Variants in ACOT11 observed in about 807,000 individuals in gnomAD.
ACOT11 encodes acyl-coenzyme A thioesterase 11.
ACOT11 carries 69 observed loss-of-function variants against 77.5 expected under a neutral mutation model. That is an observed-to-expected ratio of 0.89 (90% CI 0.73 to 1.09). ACOT11 has a LOEUF of 1.09. Ranked by LOEUF, ACOT11 falls within the 50% of genes least tolerant of loss-of-function variation. The probability of loss-of-function intolerance (pLI) is 0.00; values close to 1 mark genes in which losing one functional copy is unlikely to be tolerated. For synonymous variants in ACOT11, 279 were observed against 313.0 expected (o/e 0.89, Z 1.15); for missense variants, 766 against 813.7 (o/e 0.94, Z 0.71).
chr1:54,623,222 A>T, intron 15 of ACOT11: 1 of 1,149,982 alleles, frequency 8.7e-7, no homozygotes, highest in East Asian at 2.3e-5. Flanking sequence ...AGAAGTGGGG[A>T]TAAGGAGCGA....
downstream of ACOT11, chr1:54,611,455 A>G (rs1644117286): frequency 1.4e-6 from 1 of 693,620 alleles, no homozygotes; most frequent in East Asian, 2.6e-5. Context: ...ATACCATCCC[A>G]GGGCCTGGCA....
At chr1:54,603,565 T>A (rs987996313) in intron 10 of ACOT11, among the ~76,000 whole-genome samples, 1 of 152,120 alleles carries the variant, frequency 6.6e-6, no homozygotes, top group Non-Finnish European at 1.5e-5. Flanking sequence ...ATTTCACAGA[T>A]GAGGACACAG....
intron 1 of ACOT11, among the ~76,000 whole-genome samples, chr1:54,569,398 T>G (rs1184485409): frequency 6.6e-6 from 1 of 152,174 alleles, no homozygotes; most frequent in African/African-American, 2.4e-5. Context: ...GCCTTTGGAT[T>G]TGCAGCCAGA....
At position 54,561,922 on chromosome 1, in the gene ACOT11, C is replaced by T. The variant is rs370543689; in HGVS notation, c.33+13580C>T. Reference sequence around the variant, plus strand: ...GCTGGGCAGGGGGGCTGACCCCCCCCCCACCTCCCTCCCGGACGGGGCGGC... The same window carrying T: ...GCTGGGCAGGGGGGCTGACCCCCCCTCCACCTCCCTCCCGGACGGGGCGGC... On this transcript the variant is annotated intron_variant, in intron 1 of 15. Coordinates refer to ENST00000343744, the MANE Select transcript of ACOT11 (RefSeq NM_147161.4). Among the ~76,000 whole-genome samples, 12 of 58,746 alleles carry T rather than the reference C, an allele frequency of 2.0e-4. 2 individuals are homozygous for T. Among genetic ancestry groups the T allele is most frequent in the Non-Finnish European group, 3.9e-4 (10 of 25,332 alleles). The allele number at this position is 58,746 out of a possible 152,430, so 38.5% of individuals were successfully genotyped here.
At chr1:54,634,286 C>A (rs2317621) in intron 16 of ACOT11, among the ~76,000 whole-genome samples, 49,146 of 152,068 alleles carry the variant, frequency 0.32, 8,327 homozygotes, top group African/African-American at 0.42. Flanking sequence ...TAAATTTAAA[C>A]CAATTGAAGG....
chr1:54,604,344 AG>A lies in ACOT11; in HGVS notation c.1153del. ...AGTGGTAGCACCTGTGTACTCTTTC[AG>A]GTGTACCTGAGCTACAATAACGTCT... On this transcript the variant is annotated splice_acceptor_variant, in intron 11 of 15. Coordinates refer to ENST00000343744, the MANE Select transcript of ACOT11 (RefSeq NM_147161.4). LOFTEE classifies it high-confidence loss of function. 1 of 1,613,682 alleles carries A rather than the reference AG, an allele frequency of 6.2e-7. No individual in the cohort carries two copies. Among genetic ancestry groups the A allele is most frequent in the South Asian group, 1.1e-5 (1 of 91,072 alleles).
In ACOT11 at chr1:54,575,831, C is replaced by T. The variant is rs141993369; in HGVS notation, c.34-8824C>T. Among the ~76,000 whole-genome samples the T allele has an allele frequency of 3.8e-3, 585 of 152,238 alleles. 9 individuals carry two copies. The highest frequency in any genetic ancestry group is 1.1e-3 in the Non-Finnish European group (72 of 68,014). On this transcript the variant is annotated intron_variant, in intron 1 of 15. Transcript: ENST00000343744. ...AGTGTTCCAGGCAGAGGGAGTGGCA[C>T]GGGCAAAGGCCCAGTGCTGGGAGAT...
chr1:54,610,728 A>C, downstream of ACOT11: 1 of 979,818 alleles, frequency 1.0e-6, no homozygotes, highest in South Asian at 4.7e-5. Context: ...GACTTGCCCA[A>C]GGTCTTATAA....
chr1:54,605,065 A>C lies in ACOT11; in HGVS notation c.1237-11A>C, dbSNP rs1409986396. 1.2e-6 allele frequency: 2 copies of C among 1,610,936 alleles called. No individual in the cohort carries two copies. The highest frequency in any genetic ancestry group is 2.7e-5 in the African/African-American group (2 of 74,866). On this transcript the variant is annotated splice_polypyrimidine_tract_variant and intron_variant, in intron 12 of 15. Transcript: ENST00000343744. Reference sequence around the variant, plus strand: ...CACCCAGCAAATGAGGCTGCCCTCTATCCCATGCAGGTCCGCCTGTACACT... The same window carrying C: ...CACCCAGCAAATGAGGCTGCCCTCTCTCCCATGCAGGTCCGCCTGTACACT...
chr1:54,559,120 A>G (rs1386556022), intron 1 of ACOT11, among the ~76,000 whole-genome samples: 1 of 152,200 alleles, frequency 6.6e-6, no homozygotes, highest in African/African-American at 2.4e-5. Flanking sequence ...AGAGACCCAG[A>G]GCTCTCATCT....
chr1:54,567,073 G>A (rs1368136018), intron 1 of ACOT11, among the ~76,000 whole-genome samples: 1 of 152,034 alleles, frequency 6.6e-6, no homozygotes, highest in Non-Finnish European at 1.5e-5. Flanking sequence ...ATATATGTTA[G>A]TGTCTCCAGG....
At position 54,584,974 on chromosome 1, in the gene ACOT11, G is replaced by A; in HGVS notation, c.241+112G>A. ...AAGTGCCACACTTGTTTCTCATCTT[G>A]GCCTTTGCTCATGCTGGTCCCTTTG... On this transcript the variant is annotated intron_variant, in intron 2 of 15. Coordinates refer to ENST00000343744, the MANE Select transcript of ACOT11 (RefSeq NM_147161.4). This position sits in a 1 kb window ranked among gnomAD's most constrained non-coding sequence, Gnocchi z 6.3. The A allele has an allele frequency of 7.5e-6, 9 of 1,198,196 alleles. No homozygotes were observed. Among genetic ancestry groups the A allele is most frequent in the South Asian group, 1.5e-5 (1 of 67,440 alleles). The allele number at this position is 1,198,196 out of a possible 1,614,324, so 74.2% of individuals were successfully genotyped here.
rs114848740 is a variant in ACOT11, at chr1:54,548,822, G to C, written c.33+480G>C. Among the ~76,000 whole-genome samples the C allele has an allele frequency of 7.6e-3, 1,159 of 152,256 alleles. 13 individuals are homozygous for C. The highest frequency in any genetic ancestry group is 0.027 in the African/African-American group (1,114 of 41,522). On this transcript the variant is annotated intron_variant, in intron 1 of 15. Coordinates refer to ENST00000343744, the MANE Select transcript of ACOT11 (RefSeq NM_147161.4). ...TTCTTGGGGAGCAGAACCTCTTGGGGAGAGCAAGCACAGGATCACATGACG... is the reference window on the plus strand; with the variant it reads ...TTCTTGGGGAGCAGAACCTCTTGGGCAGAGCAAGCACAGGATCACATGACG...
chr1:54,585,772 T>A, intron 2 of ACOT11, 63 bp from the exon 3 acceptor site: 1 of 1,574,548 alleles, frequency 6.4e-7, no homozygotes, highest in Non-Finnish European at 8.7e-7. Flanking sequence ...GGAGGTGCCA[T>A]CTGAGCAGAG....
At chr1:54,616,120 G>A in intron 15 of ACOT11, 1 of 1,614,132 alleles carries the variant, frequency 6.2e-7, no homozygotes, top group South Asian at 1.1e-5. Flanking sequence ...CTGTCTCATT[G>A]GCTGTGCCGA....
At chr1:54,611,995 T>A (rs1380621643), downstream of ACOT11, among the ~76,000 whole-genome samples, 1 of 151,396 alleles carries the variant, frequency 6.6e-6, no homozygotes, top group Non-Finnish European at 1.5e-5. Context: ...TTGCAGTGTC[T>A]ATTTCTGAGT....
intron 16 of ACOT11, chr1:54,630,988 G>A: frequency 1.9e-6 from 1 of 525,830 alleles, no homozygotes; most frequent in South Asian, 3.0e-5. Flanking sequence ...TAACGAGGAG[G>A]AACAACAGTA....
chr1:54,574,536 C>T lies in ACOT11; in HGVS notation c.34-10119C>T, dbSNP rs373221578. Among the ~76,000 whole-genome samples, 614 of 152,336 alleles carry T rather than the reference C, an allele frequency of 4.0e-3. 1 individual carries two copies. The highest frequency in any genetic ancestry group is 0.019 in the South Asian group (91 of 4,824). On this transcript the variant is annotated intron_variant, in intron 1 of 15. Coordinates refer to ENST00000343744, the MANE Select transcript of ACOT11 (RefSeq NM_147161.4). Reference sequence around the variant, plus strand: ...TACAAAGCTGTTCATGTGTTCCCTCCTTTGCACCTCACAACAATCTACAAA... The same window carrying T: ...TACAAAGCTGTTCATGTGTTCCCTCTTTTGCACCTCACAACAATCTACAAA...
chr1:54,552,841 T>C (rs983358849), intron 1 of ACOT11, among the ~76,000 whole-genome samples: 1 of 149,616 alleles, frequency 6.7e-6, no homozygotes, highest in African/African-American at 2.5e-5. Flanking sequence ...TTTTTTTTTT[T>C]TTTGAGACGG....
Sources: allele counts gnomAD v4.1 joint callset (sites outside exome capture counted in the v4.1 genomes callset), GRCh38; gene constraint gnomAD v4.1.1; non-coding constraint Gnocchi (gnomAD v3.1); transcripts MANE v1.5; gene names NCBI Gene and HGNC (gene_info 2026-07-23, HGNC 2026-07-21).